Variants in CELF4 observed in about 807,000 individuals in gnomAD.
CELF4 encodes the protein CUG-BP- and ETR-3-like factor 4.
A neutral mutation model predicts 59.9 loss-of-function variants in CELF4; 18 were observed. The ratio of observed to expected loss-of-function variants is 0.30; its 90% CI spans 0.21 to 0.45. CELF4 has a LOEUF of 0.45. Among genes scored for constraint, CELF4 ranks in the 20% least tolerant of loss-of-function variants. The pLI is 1.00. For missense variants in CELF4, 456 were observed against 689.0 expected (o/e 0.66, Z 3.79); for synonymous variants, 261 against 267.1 (o/e 0.98, Z 0.22).
At chr18:37,364,019 A>C (rs2098743482) in intron 2 of CELF4, among the ~76,000 whole-genome samples, 2 of 152,186 alleles carry the variant, frequency 1.3e-5, no homozygotes, top group Non-Finnish European at 2.9e-5. Context: ...CTCTGAGGAG[A>C]GGCCTGAAAA....
At chr18:37,308,951 T>C (rs1302393617) in intron 3 of CELF4, among the ~76,000 whole-genome samples, 2 of 152,210 alleles carry the variant, frequency 1.3e-5, no homozygotes, top group Middle Eastern at 3.2e-3. Context: ...ATCCTGCTGC[T>C]GGCTGGGCTT....
chr18:37,265,226 TGC>T (rs2076967477), intron 9 of CELF4, among the ~76,000 whole-genome samples: 1 of 152,102 alleles, frequency 6.6e-6, no homozygotes, highest in Non-Finnish European at 1.5e-5. Context: ...TGTACGTGTG[TGC>T]GCGCACGTGC....
intron 3 of CELF4, among the ~76,000 whole-genome samples, chr18:37,285,955 C>T (rs1405881127): frequency 4.6e-5 from 7 of 152,208 alleles, no homozygotes; most frequent in African/African-American, 1.7e-4. Flanking sequence ...CTGGCACACT[C>T]TCCTGCATTT....
intron 1 of CELF4, among the ~76,000 whole-genome samples, chr18:37,525,591 C>T (rs577186822): frequency 8.0e-6 from 1 of 124,840 alleles, no homozygotes; most frequent in East Asian, 2.8e-4. Flanking sequence ...CTAGAGCTGA[C>T]CTTTCTTAGG....
At chr18:37,412,211 G>T (rs2099470441) in intron 2 of CELF4, among the ~76,000 whole-genome samples, 1 of 152,212 alleles carries the variant, frequency 6.6e-6, no homozygotes, top group South Asian at 2.1e-4. Context: ...GATACCTTCT[G>T]TTGCAGAACT....
At chr18:37,380,868 A>G (rs928007060) in intron 2 of CELF4, among the ~76,000 whole-genome samples, 5 of 149,796 alleles carry the variant, frequency 3.3e-5, no homozygotes, top group Admixed American at 6.6e-5. Flanking sequence ...CCATCCATCC[A>G]TCTATCAATC....
intron 8 of CELF4, among the ~76,000 whole-genome samples, chr18:37,270,216 A>T (rs1230461123): frequency 6.6e-6 from 1 of 152,180 alleles, no homozygotes; most frequent in Non-Finnish European, 1.5e-5. Flanking sequence ...GAGCTGTCCA[A>T]GGTGCTGGGC....
chr18:37,421,514 T>C (rs2099577920), intron 2 of CELF4, among the ~76,000 whole-genome samples: 1 of 151,922 alleles, frequency 6.6e-6, no homozygotes, highest in Non-Finnish European at 1.5e-5. Flanking sequence ...CCCAGCCTCC[T>C]GCCCTGATTA....
At chr18:37,538,755 A>G (rs947489156) in intron 1 of CELF4, among the ~76,000 whole-genome samples, 2 of 152,184 alleles carry the variant, frequency 1.3e-5, no homozygotes, top group East Asian at 1.9e-4. Flanking sequence ...ATAGAAAGCA[A>G]TTCTGACATT....
rs80062038 is a variant in CELF4, at chr18:37,555,412, G to A, written c.286+9944C>T. ...TCACCGGTCACTCAGGGACGCCTCT[G>A]TTTCCCCGGTCTCCTTGCAGGAGTT... On this transcript the variant is annotated intron_variant, in intron 1 of 12. Transcript: ENST00000420428. 5.6e-3 allele frequency among the ~76,000 whole-genome samples: 851 copies of A among 152,264 alleles called. 8 individuals are homozygous for A. The highest frequency in any genetic ancestry group is 0.019 in the African/African-American group (803 of 41,534).
chr18:37,280,659 C>T (rs1163304162), intron 3 of CELF4, among the ~76,000 whole-genome samples: 1 of 152,206 alleles, frequency 6.6e-6, no homozygotes, highest in Non-Finnish European at 1.5e-5. Context: ...AACAAGCCCA[C>T]ACCAGAATTT....
chr18:37,351,367 T>C (rs891204152), intron 2 of CELF4, among the ~76,000 whole-genome samples: 1 of 152,146 alleles, frequency 6.6e-6, no homozygotes, highest in African/African-American at 2.4e-5. Flanking sequence ...CAAGAAACGA[T>C]GCCTCTCCCC....
chr18:37,295,950 G>A (rs575776806), intron 3 of CELF4, among the ~76,000 whole-genome samples: 2 of 152,192 alleles, frequency 1.3e-5, no homozygotes, highest in East Asian at 3.9e-4. Flanking sequence ...TGTGAGATTG[G>A]TGCATCCCAC....
At chr18:37,390,969 G>C (rs944165570) in intron 2 of CELF4, among the ~76,000 whole-genome samples, 1 of 152,122 alleles carries the variant, frequency 6.6e-6, no homozygotes, top group Non-Finnish European at 1.5e-5. Context: ...CGGGCCACCC[G>C]TCCTCCCTCC....
At chr18:37,511,785 G>T (rs887510885) in intron 1 of CELF4, among the ~76,000 whole-genome samples, 1 of 151,886 alleles carries the variant, frequency 6.6e-6, no homozygotes, top group Non-Finnish European at 1.5e-5. Context: ...TGTAAAGCTG[G>T]AGGGAATACA....
chr18:37,462,857 G>A (rs1338849454), intron 2 of CELF4, among the ~76,000 whole-genome samples: 4 of 151,474 alleles, frequency 2.6e-5, no homozygotes, highest in African/African-American at 9.7e-5. Flanking sequence ...GTGTATTTTA[G>A]GTGTGGCCCA....
At chr18:37,560,577 G>A (rs2099986241) in intron 1 of CELF4, among the ~76,000 whole-genome samples, 1 of 152,070 alleles carries the variant, frequency 6.6e-6, no homozygotes. Context: ...CTCTGACAAG[G>A]CAAATCTTTC....
intron 2 of CELF4, among the ~76,000 whole-genome samples, chr18:37,455,454 A>G (rs941075149): frequency 6.6e-6 from 1 of 152,142 alleles, no homozygotes; most frequent in African/African-American, 2.4e-5. Flanking sequence ...CCCTTGTGGG[A>G]TAGCACAGCC....
At chr18:37,343,652 C>T (rs1446095174) in intron 2 of CELF4, among the ~76,000 whole-genome samples, 1 of 152,030 alleles carries the variant, frequency 6.6e-6, no homozygotes, top group Non-Finnish European at 1.5e-5. Context: ...GACTGCCTGA[C>T]TGCAAGCTGG....
Sources: allele counts gnomAD v4.1 joint callset (sites outside exome capture counted in the v4.1 genomes callset), GRCh38; gene constraint gnomAD v4.1.1; transcripts MANE v1.5; gene names NCBI Gene and HGNC (gene_info 2026-07-23, HGNC 2026-07-21).